The following CUX2 variants were observed in gnomAD, a reference collection of about 807,000 sequenced individuals.
CUX2 encodes cut like homeobox 2, also known as homeobox protein cut-like 2.
A neutral mutation model predicts 144.8 loss-of-function variants in CUX2; 40 were observed. That is an observed-to-expected ratio of 0.28 (90% CI 0.21 to 0.36). The LOEUF is 0.36. Ranked by LOEUF, CUX2 falls within the 10% of genes least tolerant of loss-of-function variation. The pLI is 1.00. For synonymous variants in CUX2, 827 were observed against 875.6 expected (o/e 0.94, Z 0.98); for missense variants, 1,615 against 1,994.0 (o/e 0.81, Z 3.62).
rs139770876 is a variant in CUX2 at position 111,338,046 on chromosome 12, A to C, written c.3197-240A>C. ...GAAACTCTGTCTCAAAAAAAGAAAA[A>C]AAAAAAAAGCTCTTTTGTTGGTTGC... On this transcript the variant is annotated intron_variant, in intron 19 of 21. Transcript: ENST00000261726. Among the ~76,000 whole-genome samples, 1,297 of 152,128 alleles carry C rather than the reference A, an allele frequency of 8.5e-3. 21 individuals are homozygous for C. Among genetic ancestry groups the C allele is most frequent in the African/African-American group, 0.03 (1,244 of 41,518 alleles).
At chr12:111,103,313 G>A (rs1433635089) in intron 1 of CUX2, among the ~76,000 whole-genome samples, 1 of 152,190 alleles carries the variant, frequency 6.6e-6, no homozygotes, top group Non-Finnish European at 1.5e-5. Flanking sequence ...TCTTCCCTTT[G>A]CAGAGTTGTT....
intron 1 of CUX2, among the ~76,000 whole-genome samples, chr12:111,041,817 C>T (rs1869754748): frequency 6.6e-6 from 1 of 152,300 alleles, no homozygotes; most frequent in Middle Eastern, 3.4e-3. Flanking sequence ...AGGCCACAGG[C>T]CGCACCTTCC....
intron 4 of CUX2, among the ~76,000 whole-genome samples, chr12:111,286,327 G>A (rs1885379055): frequency 6.6e-6 from 1 of 152,170 alleles, no homozygotes; most frequent in Admixed American, 6.5e-5. Flanking sequence ...CCATTTTACA[G>A]ATGAGGAAAC....
intron 1 of CUX2, among the ~76,000 whole-genome samples, chr12:111,211,005 G>T (rs554516222): frequency 6.6e-6 from 1 of 152,224 alleles, no homozygotes; most frequent in South Asian, 2.1e-4. Context: ...ATATTTCCAA[G>T]CCCCTGTTTG....
intron 8 of CUX2, among the ~76,000 whole-genome samples, chr12:111,297,117 T>C (rs1476622799): frequency 2.1e-3 from 135 of 64,762 alleles, no homozygotes; most frequent in Middle Eastern, 0.024. Context: ...CCCTCCCAGA[T>C]ATGCCTCCAC....
intron 1 of CUX2, among the ~76,000 whole-genome samples, chr12:111,093,388 T>C (rs947746053): frequency 4.6e-5 from 7 of 152,028 alleles, no homozygotes; most frequent in Non-Finnish European, 1.0e-4. Flanking sequence ...CGACTTGAGA[T>C]TTTTACACAG....
chr12:111,334,573 G>C lies in CUX2; in HGVS notation c.3059G>C (p.Ser1020Thr), dbSNP rs1158503763. ...KENQQPEGRS[S>T]SSLSGKMYSG... ...AACCAGCAGCCAGAGGGCCGCTCCA[G>C]CTCCTCGTTGAGCGGGAAGATGTAC... The change falls in exon 19 of 22, where the codon AGC becomes ACC. Residue 1020 changes from serine (S) to threonine (T), a missense_variant. Coordinates refer to ENST00000261726, the MANE Select transcript of CUX2 (RefSeq NM_015267.4). 1 of 1,614,056 alleles carries C rather than the reference G, an allele frequency of 6.2e-7. No individual in the cohort carries two copies. The highest frequency in any genetic ancestry group is 2.2e-5 in the East Asian group (1 of 44,866).
rs140763660 is a variant in CUX2, at chr12:111,108,045, C to T, written c.63+73805C>T. On this transcript the variant is annotated intron_variant, in intron 1 of 21. Coordinates refer to ENST00000261726, the MANE Select transcript of CUX2 (RefSeq NM_015267.4). ...GTGACGCATGGAGTTGTTATTTCCC[C>T]ATAGTCTCCCTTAATCTCCAACAGT... 3.4e-3 allele frequency among the ~76,000 whole-genome samples: 513 copies of T among 152,354 alleles called. 1 individual carries two copies. Among genetic ancestry groups the T allele is most frequent in the South Asian group, 6.4e-3 (31 of 4,828 alleles).
intron 1 of CUX2, among the ~76,000 whole-genome samples, chr12:111,153,878 A>G (rs1208975995): frequency 6.6e-6 from 1 of 152,136 alleles, no homozygotes; most frequent in Non-Finnish European, 1.5e-5. Context: ...AGCAGTCCAA[A>G]ATCAAGATGT....
intron 1 of CUX2, among the ~76,000 whole-genome samples, chr12:111,047,174 G>C (rs376766019): frequency 6.6e-6 from 1 of 152,198 alleles, no homozygotes; most frequent in South Asian, 2.1e-4. Context: ...CCTGTCGTCC[G>C]GCCTGCATTC....
chr12:111,155,277 T>G (rs1467267018), intron 1 of CUX2, among the ~76,000 whole-genome samples: 1 of 152,146 alleles, frequency 6.6e-6, no homozygotes, highest in Non-Finnish European at 1.5e-5. Context: ...GGTCTCTAGT[T>G]CATACAGTAG....
chr12:111,232,059 T>C (rs946548700), intron 3 of CUX2, among the ~76,000 whole-genome samples: 1 of 151,742 alleles, frequency 6.6e-6, no homozygotes, highest in Non-Finnish European at 1.5e-5. Flanking sequence ...TTCTCAGGAT[T>C]CTCCAGAATA....
chr12:111,035,367 G>C lies in CUX2; in HGVS notation c.63+1127G>C, dbSNP rs1249106404. Among the ~76,000 whole-genome samples the C allele has an allele frequency of 6.6e-6, 1 of 152,168 alleles. No homozygotes were observed. Among genetic ancestry groups the C allele is most frequent in the Non-Finnish European group, 1.5e-5 (1 of 68,036 alleles). On this transcript the variant is annotated intron_variant, in intron 1 of 21. Coordinates refer to ENST00000261726, the MANE Select transcript of CUX2 (RefSeq NM_015267.4). This position sits in a 1 kb window ranked among gnomAD's most constrained non-coding sequence, Gnocchi z 6.0. ...CTCTGCGGACCCCGTAGGAGCCGGG[G>C]CTGGGAGGTGGAATCTCAGAGAACG...
chr12:111,342,166 A>T, intron 21 of CUX2, 113 bp downstream of exon 21: 1 of 1,240,048 alleles, frequency 8.1e-7, no homozygotes. Flanking sequence ...GGAAGACCCC[A>T]TCACATAGGC....
intron 1 of CUX2, among the ~76,000 whole-genome samples, chr12:111,134,705 T>C (rs964821557): frequency 6.6e-6 from 1 of 151,810 alleles, no homozygotes; most frequent in Non-Finnish European, 1.5e-5. Context: ...TAAGCTGATA[T>C]AGGTGATAAG....
intron 4 of CUX2, among the ~76,000 whole-genome samples, chr12:111,265,158 G>A (rs1884316817): frequency 6.6e-6 from 1 of 151,978 alleles, no homozygotes; most frequent in Non-Finnish European, 1.5e-5. Context: ...CTTGAAGGGG[G>A]CCAAGAGTTC....
intron 1 of CUX2, among the ~76,000 whole-genome samples, chr12:111,087,366 CAAAAAAAAAAAA>C (rs1159500448): frequency 8.9e-5 from 4 of 45,050 alleles, no homozygotes; most frequent in Non-Finnish European, 2.1e-4. Flanking sequence ...GACTCCATCT[CAAAAAAAAAAAA>C]AAAAAAAAAA....
intron 1 of CUX2, among the ~76,000 whole-genome samples, chr12:111,073,837 T>G (rs1235314683): frequency 6.6e-6 from 1 of 151,944 alleles, no homozygotes; most frequent in Non-Finnish European, 1.5e-5. Context: ...GGCAAGCGCC[T>G]GTAGTTCTAG....
intron 1 of CUX2, among the ~76,000 whole-genome samples, chr12:111,206,600 C>G (rs1285212334): frequency 1.3e-5 from 2 of 152,230 alleles, no homozygotes; most frequent in Non-Finnish European, 2.9e-5. Flanking sequence ...AGGACAGAGA[C>G]TGTGTTGGTT....
Sources: gnomAD v4.1 joint callset for allele counts (sites outside exome capture counted in the v4.1 genomes callset) on GRCh38, gnomAD v4.1.1 for gene constraint, Gnocchi (gnomAD v3.1) non-coding constraint, MANE v1.5 for transcripts, NCBI Gene and HGNC (gene_info 2026-07-23, HGNC 2026-07-21) for gene names.